GALNT9: variants seen among roughly 807,000 people sequenced by gnomAD.
GALNT9 encodes polypeptide N-acetylgalactosaminyltransferase 9.
Under a neutral mutation model 63.1 loss-of-function variants are expected in GALNT9, and 47 were observed. The ratio of observed to expected loss-of-function variants is 0.75; its 90% CI spans 0.59 to 0.95. The LOEUF (loss-of-function observed/expected upper bound fraction) is 0.95, where lower values mean the gene tolerates loss of function less well. GALNT9 is among the 40% of genes least tolerant of loss of function. The pLI is 0.00. For synonymous variants in GALNT9, 396 were observed against 365.7 expected, an observed-to-expected ratio of 1.08 and a Z score of -0.94; for missense variants, 829 against 874.8, an observed-to-expected ratio of 0.95 and a Z score of 0.66.
chr12:132,247,481 C>T (rs1204742134), intron 6 of GALNT9: 1 of 396,852 alleles, frequency 2.5e-6, no homozygotes, highest in Non-Finnish European at 5.1e-6. Flanking sequence ...GCCTTGGCCG[C>T]CCAGCTTGGC....
intron 2 of GALNT9, among the ~76,000 whole-genome samples, chr12:132,285,255 C>T (rs1003142821): frequency 1.3e-5 from 2 of 152,268 alleles, no homozygotes; most frequent in Non-Finnish European, 2.9e-5. Flanking sequence ...CAGCCCTGAG[C>T]GCCCGGCTTC....
chr12:132,240,959 C>A (rs375259904), intron 6 of GALNT9, among the ~76,000 whole-genome samples: 1 of 108,294 alleles, frequency 9.2e-6, no homozygotes, highest in Non-Finnish European at 1.8e-5. Flanking sequence ...TCCCGGGGCC[C>A]TCCCTATACC....
At chr12:132,318,413 G>A (rs1868618903) in intron 1 of GALNT9, among the ~76,000 whole-genome samples, 1 of 152,148 alleles carries the variant, frequency 6.6e-6, no homozygotes, top group Admixed American at 6.5e-5. Flanking sequence ...GGGGCCCTAA[G>A]AGCACCTGCC....
chr12:132,315,189 A>C lies in GALNT9; in HGVS notation c.238+13777T>G, dbSNP rs1310276954. Among the ~76,000 whole-genome samples the C allele has an allele frequency of 6.6e-6, 1 of 152,140 alleles. No individual in the cohort carries two copies. The highest frequency in any genetic ancestry group is 1.5e-5 in the Non-Finnish European group (1 of 68,030). On this transcript the variant is annotated intron_variant, in intron 1 of 10. Transcript: ENST00000328957. The surrounding 1 kb of genome is among the most constrained non-coding windows in gnomAD (Gnocchi z 6.1). The stretch of plus-strand genomic sequence containing the variant: ...CCACAAGGCTCTGCACCGAGCAACT[A>C]AGATAATCAGGGTGGCCTCCCCCGT...
At chr12:132,233,350 C>A (rs1256793631) in intron 6 of GALNT9, among the ~76,000 whole-genome samples, 77 of 17,642 alleles carry the variant, frequency 4.4e-3, no homozygotes, top group African/African-American at 0.025. Flanking sequence ...GAGGAGACAG[C>A]GTGGAGCCCC....
chr12:132,292,522 G>A lies in GALNT9; in HGVS notation c.239-6092C>T, dbSNP rs1296324885. Among the ~76,000 whole-genome samples the A allele has an allele frequency of 2.6e-5, 4 of 152,326 alleles. No individual in the cohort carries two copies. The South Asian group carries it at 6.2e-4, about 24-fold the overall frequency. On this transcript the variant is annotated intron_variant, in intron 1 of 10. Coordinates refer to ENST00000328957, the MANE Select transcript of GALNT9 (RefSeq NM_001122636.2). Reference sequence around the variant, plus strand: ...TAAGGTCCTGGTCTCCACACAAAACGGAGCAGAGCCAGGCAGCACCATCCT... The same window carrying A: ...TAAGGTCCTGGTCTCCACACAAAACAGAGCAGAGCCAGGCAGCACCATCCT...
chr12:132,202,597 T>G (rs1001212752), intron 7 of GALNT9, among the ~76,000 whole-genome samples: 2 of 151,822 alleles, frequency 1.3e-5, no homozygotes, highest in Non-Finnish European at 2.9e-5. Flanking sequence ...AAGCGCTGTA[T>G]GTGGACAGAT....
At chr12:132,202,474 C>T (rs1003733415) in intron 7 of GALNT9, among the ~76,000 whole-genome samples, 2 of 152,172 alleles carry the variant, frequency 1.3e-5, no homozygotes, top group African/African-American at 2.4e-5. Flanking sequence ...GTCACCCACA[C>T]GCTGGGGTGC....
At chr12:132,275,678 A>G (rs1402599786) in intron 2 of GALNT9, 1 of 152,316 alleles carries the variant, frequency 6.6e-6, no homozygotes, top group Admixed American at 6.5e-5. Context: ...GGTCCAGCCC[A>G]GGTGGATTTC....
Position 132,296,589 on chromosome 12 carries a change from C to T in GALNT9, c.239-10159G>A, listed in dbSNP as rs1881085090. 6.6e-6 allele frequency among the ~76,000 whole-genome samples: 1 copy of T among 152,202 alleles called. No individual in the cohort carries two copies. Among genetic ancestry groups the T allele is most frequent in the African/African-American group, 2.4e-5 (1 of 41,432 alleles). On this transcript the variant is annotated intron_variant, in intron 1 of 10. Coordinates refer to ENST00000328957, the MANE Select transcript of GALNT9 (RefSeq NM_001122636.2). The surrounding 1 kb of genome is among the most constrained non-coding windows in gnomAD (Gnocchi z 4.2). The stretch of plus-strand genomic sequence containing the variant: ...AGCTCAGCCTTTGAAAGGTCTGTCC[C>T]ACAACTTTCATGAAAAACAAACCAA...
At chr12:132,230,207 G>A (rs1471295974) in intron 6 of GALNT9, among the ~76,000 whole-genome samples, 1 of 152,152 alleles carries the variant, frequency 6.6e-6, no homozygotes, top group Non-Finnish European at 1.5e-5. Flanking sequence ...CGGAGTCCAC[G>A]CACCCCCTGC....
intron 2 of GALNT9, chr12:132,275,553 A>G (rs1374838579): frequency 1.3e-5 from 2 of 152,224 alleles, no homozygotes; most frequent in African/African-American, 4.8e-5. Flanking sequence ...AGGCTTTGTC[A>G]TTGCAGGGAC....
At chr12:132,226,364 T>C (rs1877687093) in intron 6 of GALNT9, among the ~76,000 whole-genome samples, 4 of 129,120 alleles carry the variant, frequency 3.1e-5, no homozygotes, top group Admixed American at 1.6e-4. Flanking sequence ...CATATACACA[T>C]CCCACACACT....
chr12:132,316,692 T>G lies in GALNT9; in HGVS notation c.238+12274A>C, dbSNP rs1057326742. ...GTAGTCCCTCAGCCACCCTTTCAGA[T>G]CCGACAGGGACGCCCACCCCAGCCC... On this transcript the variant is annotated intron_variant, in intron 1 of 10. Transcript: ENST00000328957. This position sits in a 1 kb window ranked among gnomAD's most constrained non-coding sequence, Gnocchi z 4.3. Among the ~76,000 whole-genome samples the G allele has an allele frequency of 3.3e-5, 5 of 151,938 alleles. No individual in the cohort carries two copies. Among genetic ancestry groups the G allele is most frequent in the Admixed American group, 2.0e-4 (3 of 15,266 alleles).
At chr12:132,299,064 C>G (rs1881188199) in intron 1 of GALNT9, among the ~76,000 whole-genome samples, 1 of 144,090 alleles carries the variant, frequency 6.9e-6, no homozygotes, top group Admixed American at 6.8e-5. Flanking sequence ...CCACTCCCAC[C>G]ACACCTAACC....
chr12:132,207,576 G>A (rs986592527), intron 6 of GALNT9, among the ~76,000 whole-genome samples: 11 of 152,134 alleles, frequency 7.2e-5, no homozygotes, highest in African/African-American at 2.2e-4. Flanking sequence ...CAGGTCTCTC[G>A]GCCCTCGGGT....
At position 132,252,401 on chromosome 12, in the gene GALNT9, C is replaced by T. The variant is rs1296493043; in HGVS notation, c.960-4374G>A. Among the ~76,000 whole-genome samples the T allele has an allele frequency of 6.6e-6, 1 of 152,234 alleles. No homozygotes were observed. Among genetic ancestry groups the T allele is most frequent in the Non-Finnish European group, 1.5e-5 (1 of 68,048 alleles). On this transcript the variant is annotated intron_variant, in intron 5 of 10. Coordinates refer to ENST00000328957, the MANE Select transcript of GALNT9 (RefSeq NM_001122636.2). This position sits in a 1 kb window ranked among gnomAD's most constrained non-coding sequence, Gnocchi z 5.2. Reference sequence around the variant, plus strand: ...AACTGTTTCTGAGAAGGCAGAGAAGCACGTGCCACGTTTTAGAAAGAGTTT... The same window carrying T: ...AACTGTTTCTGAGAAGGCAGAGAAGTACGTGCCACGTTTTAGAAAGAGTTT...
At chr12:132,211,884 A>C (rs1876968729) in intron 6 of GALNT9, among the ~76,000 whole-genome samples, 1 of 152,054 alleles carries the variant, frequency 6.6e-6, no homozygotes, top group Non-Finnish European at 1.5e-5. Context: ...CCTGCAATCC[A>C]CGCCTGTGGG....
rs1200997901 is a variant in GALNT9, at chr12:132,325,675, C to G, written c.238+3291G>C. Reference sequence around the variant, plus strand: ...TCTGGGCCCCGTGGCCCACCCCGCTCCAGGCTCTCAGCTTTCCTGCTGCTC... The same window carrying G: ...TCTGGGCCCCGTGGCCCACCCCGCTGCAGGCTCTCAGCTTTCCTGCTGCTC... On this transcript the variant is annotated intron_variant, in intron 1 of 10. Coordinates refer to ENST00000328957, the MANE Select transcript of GALNT9 (RefSeq NM_001122636.2). 1.1e-3 allele frequency among the ~76,000 whole-genome samples: 167 copies of G among 152,250 alleles called. 2 individuals carry two copies. The highest frequency in any genetic ancestry group is 1.4e-4 in the African/African-American group (6 of 41,460).
Sources: gnomAD v4.1 joint callset for allele counts (sites outside exome capture counted in the v4.1 genomes callset) on GRCh38, gnomAD v4.1.1 for gene constraint, Gnocchi (gnomAD v3.1) non-coding constraint, MANE v1.5 for transcripts, NCBI Gene and HGNC (gene_info 2026-07-23, HGNC 2026-07-21) for gene names.